CLASP2: variants seen among roughly 807,000 people sequenced by gnomAD.
The protein encoded by CLASP2 is cytoplasmic linker associated protein 2, also known as CLIP-associating protein 2.
In CLASP2, 47 loss-of-function variants were observed where a neutral mutation model predicts 194.4. The ratio of observed to expected loss-of-function variants is 0.24; its 90% CI spans 0.19 to 0.31. The LOEUF (loss-of-function observed/expected upper bound fraction) is 0.31. CLASP2 is among the 10% of genes least tolerant of loss of function. The pLI is 1.00. For synonymous variants in CLASP2, 619 were observed against 633.5 expected (o/e 0.98, Z 0.34); for missense variants, 1,445 against 1,823.6 (o/e 0.79, Z 3.78).
In CLASP2 at chr3:33,658,868, G is replaced by A. The variant is rs373887136; in HGVS notation, c.715+4577C>T. ...TACACACATGCATAAACACACAAGT[G>A]TCCTTCATTCTTTAGGGAGAAATAT... is the stretch of plus-strand genomic sequence containing the variant. On this transcript the variant is annotated intron_variant, in intron 7 of 38. Coordinates refer to ENST00000682230, the MANE Select transcript of CLASP2 (RefSeq NM_001365631.1). 3,650 of 1,014,740 alleles carry A rather than the reference G, an allele frequency of 3.6e-3. 122 individuals are homozygous for A. In the South Asian group the frequency reaches 0.052, roughly 14 times the overall value. 62.9% of individuals were successfully genotyped at this position (1,014,740 alleles called of 1,614,324 possible).
chr3:33,714,845 G>C (rs1165120857), intron 1 of CLASP2, among the ~76,000 whole-genome samples: 6 of 152,100 alleles, frequency 3.9e-5, no homozygotes, highest in Non-Finnish European at 4.4e-5. Flanking sequence ...AAGTAGCTGG[G>C]ACTACAGGCA....
chr3:33,584,626 TTTAAG>T, intron 22 of CLASP2, 119 bp downstream of exon 22: 1 of 902,336 alleles, frequency 1.1e-6, no homozygotes, highest in Non-Finnish European at 1.6e-6. Flanking sequence ...TTGTTGAATT[TTTAAG>T]TTATTTTCTT....
At chr3:33,661,577 C>G (rs948902233) in intron 7 of CLASP2, among the ~76,000 whole-genome samples, 4 of 152,176 alleles carry the variant, frequency 2.6e-5, no homozygotes, top group African/African-American at 4.8e-5. Context: ...GTGCCACTGA[C>G]TAAAATGGCT....
chr3:33,618,317 T>A (rs1376217441), intron 12 of CLASP2, among the ~76,000 whole-genome samples: 1 of 152,014 alleles, frequency 6.6e-6, no homozygotes, highest in Non-Finnish European at 1.5e-5. Flanking sequence ...ATTACACATA[T>A]GGATAAGGGA....
chr3:33,640,173 T>G (rs1349320551), intron 8 of CLASP2, among the ~76,000 whole-genome samples: 7 of 152,180 alleles, frequency 4.6e-5, no homozygotes, highest in Non-Finnish European at 7.3e-5. Context: ...GGTCTACTAG[T>G]CAAAATTTTG....
chr3:33,566,248 T>C (rs1295944102), intron 27 of CLASP2, among the ~76,000 whole-genome samples: 1 of 152,190 alleles, frequency 6.6e-6, no homozygotes, highest in Non-Finnish European at 1.5e-5. Context: ...AGAATTACTA[T>C]CCCATAATCT....
At chr3:33,624,350 G>C (rs1243897899) in intron 10 of CLASP2, among the ~76,000 whole-genome samples, 6 of 151,880 alleles carry the variant, frequency 4.0e-5, no homozygotes, top group Non-Finnish European at 5.9e-5. Flanking sequence ...ATATAAGGAA[G>C]GGAAAACTAT....
intron 25 of CLASP2, among the ~76,000 whole-genome samples, chr3:33,571,020 T>TG (rs1348052397): frequency 1.4e-5 from 2 of 142,684 alleles, no homozygotes; most frequent in Admixed American, 1.5e-4. Flanking sequence ...TATAAATTTT[T>TG]TTTTTTTTTT....
At position 33,581,876 on chromosome 3, in the gene CLASP2, T is replaced by C; in HGVS notation, c.2292A>G (p.Glu764=). ...RPSVSQGCSR[E]ASRESSRDTS... Reference sequence around the variant, plus strand: ...TGTCTCTGCTGCTCTCCCGACTAGCTTCCCGGCTGCATCCTTGACTCACAC... The same window carrying C: ...TGTCTCTGCTGCTCTCCCGACTAGCCTCCCGGCTGCATCCTTGACTCACAC... The change falls in exon 23 of 39, where the codon GAA becomes GAG. Residue 764 remains glutamate (E), a synonymous_variant. Coordinates refer to ENST00000682230, the MANE Select transcript of CLASP2 (RefSeq NM_001365631.1). 9.9e-6 allele frequency: 16 copies of C among 1,613,822 alleles called. No individual in the cohort carries two copies. Among genetic ancestry groups the C allele is most frequent in the Non-Finnish European group, 1.4e-5 (16 of 1,179,798 alleles).
At chr3:33,668,626 TGAG>T (rs2154336477) in intron 6 of CLASP2, among the ~76,000 whole-genome samples, 1 of 152,322 alleles carries the variant, frequency 6.6e-6, no homozygotes, top group South Asian at 2.1e-4. Context: ...GTTGTTATTT[TGAG>T]GATTCGAAAT....
chr3:33,583,925 G>A (rs2066737953), intron 22 of CLASP2, among the ~76,000 whole-genome samples: 1 of 151,964 alleles, frequency 6.6e-6, no homozygotes, highest in African/African-American at 2.4e-5. Context: ...TGAGAGAAAG[G>A]GAAAATAGGC....
chr3:33,700,247 C>CA (rs1425535250), intron 1 of CLASP2, among the ~76,000 whole-genome samples: 3 of 150,328 alleles, frequency 2.0e-5, no homozygotes, highest in African/African-American at 4.9e-5. Context: ...GCCAGCATGG[C>CA]AAAACCCCAT....
At chr3:33,619,351 C>CATGT (rs1164842875) in intron 12 of CLASP2, among the ~76,000 whole-genome samples, 1 of 152,086 alleles carries the variant, frequency 6.6e-6, no homozygotes, top group African/African-American at 2.4e-5. Flanking sequence ...CTCATATGTA[C>CATGT]ATGTATGTAT....
At chr3:33,603,985 G>A (rs1388731220) in intron 17 of CLASP2, among the ~76,000 whole-genome samples, 169 bp downstream of exon 17, 1 of 152,016 alleles carries the variant, frequency 6.6e-6, no homozygotes, top group African/African-American at 2.4e-5. Flanking sequence ...TGGAACTTCG[G>A]GTTTTATTAT....
chr3:33,648,939 G>T (rs1296992691), intron 7 of CLASP2, among the ~76,000 whole-genome samples: 1 of 152,100 alleles, frequency 6.6e-6, no homozygotes, highest in African/African-American at 2.4e-5. Context: ...ATGGCATCCT[G>T]GGTTGAACAA....
intron 10 of CLASP2, among the ~76,000 whole-genome samples, chr3:33,626,742 C>G (rs2078122190): frequency 6.7e-6 from 1 of 149,932 alleles, no homozygotes; most frequent in African/African-American, 2.5e-5. Flanking sequence ...CAGTCAAAAA[C>G]AGCACACGTG....
At chr3:33,620,073 T>C (rs938421473) in intron 11 of CLASP2, among the ~76,000 whole-genome samples, 3 of 152,266 alleles carry the variant, frequency 2.0e-5, no homozygotes, top group African/African-American at 4.8e-5. Context: ...ACCTTTGGTC[T>C]TGATCCATGA....
Position 33,676,444 on chromosome 3 carries a change from C to A in CLASP2, c.644+7915G>T, listed in dbSNP as rs565445112. ...CTTTGACAAACCTGAGAAAAACAAG[C>A]AATGGGGAAAGGATTCCCTATTTAA... On this transcript the variant is annotated intron_variant, in intron 6 of 38. Coordinates refer to ENST00000682230, the MANE Select transcript of CLASP2 (RefSeq NM_001365631.1). Among the ~76,000 whole-genome samples, 57 of 147,810 alleles carry A rather than the reference C, an allele frequency of 3.9e-4. 3 individuals carry two copies. The highest frequency in any genetic ancestry group is 8.1e-4 in the Admixed American group (12 of 14,822).
At chr3:33,580,582 CAAT>C (rs1217589108) in intron 23 of CLASP2, among the ~76,000 whole-genome samples, 4 of 151,652 alleles carry the variant, frequency 2.6e-5, no homozygotes, top group Non-Finnish European at 4.4e-5. Context: ...ACAACAACAA[CAAT>C]GAAAGAAATT....
Sources: allele counts gnomAD v4.1 joint callset (sites outside exome capture counted in the v4.1 genomes callset), GRCh38; gene constraint gnomAD v4.1.1; transcripts MANE v1.5; gene names NCBI Gene and HGNC (gene_info 2026-07-23, HGNC 2026-07-21).